The following WDR70 variants were observed in gnomAD, a reference collection of about 807,000 sequenced individuals.
WDR70 encodes WD repeat domain 70.
A neutral mutation model predicts 88.6 loss-of-function variants in WDR70; 53 were observed. That is an observed-to-expected ratio of 0.60 (90% CI 0.48 to 0.75). WDR70 has a LOEUF of 0.75. WDR70 is among the 30% of genes least tolerant of loss of function. The probability of loss-of-function intolerance (pLI) is 0.00; values close to 1 mark genes in which losing one functional copy is unlikely to be tolerated. For synonymous variants in WDR70, 280 were observed against 270.0 expected (o/e 1.04, Z -0.36); for missense variants, 610 against 823.2 (o/e 0.74, Z 3.17).
chr5:37,552,700 A>G (rs1210108278), intron 9 of WDR70, among the ~76,000 whole-genome samples: 4 of 152,220 alleles, frequency 2.6e-5, no homozygotes, highest in Admixed American at 6.5e-5. Flanking sequence ...ATTTTTCTTC[A>G]GTTAAACTCC....
intron 10 of WDR70, among the ~76,000 whole-genome samples, chr5:37,647,751 C>G (rs990819568): frequency 5.9e-5 from 9 of 152,164 alleles, no homozygotes; most frequent in Non-Finnish European, 2.9e-5. Flanking sequence ...CCTAAACAAG[C>G]AAGAGTCTCC....
intron 7 of WDR70, among the ~76,000 whole-genome samples, chr5:37,457,084 G>A (rs754778100): frequency 9.2e-5 from 14 of 152,120 alleles, no homozygotes; most frequent in East Asian, 1.9e-4. Flanking sequence ...TTTTTTTTCC[G>A]CATAACACTT....
chr5:37,506,466 T>G (rs1009398751), intron 8 of WDR70: 2 of 768,322 alleles, frequency 2.6e-6, no homozygotes, highest in African/African-American at 3.4e-5. Context: ...TCCTCTATGA[T>G]CTTGCTTATT....
At chr5:37,610,374 T>C (rs1285727503) in intron 10 of WDR70, among the ~76,000 whole-genome samples, 2 of 152,178 alleles carry the variant, frequency 1.3e-5, no homozygotes, top group East Asian at 1.9e-4. Context: ...TTGCTTTTTT[T>C]CAAAATGTCT....
chr5:37,643,999 T>C (rs1198196783), intron 10 of WDR70, among the ~76,000 whole-genome samples: 1 of 152,076 alleles, frequency 6.6e-6, no homozygotes, highest in Non-Finnish European at 1.5e-5. Flanking sequence ...CTAATTGCTC[T>C]AGTTAGACTT....
rs754359498 is a variant in WDR70 at position 37,379,567 on chromosome 5, C to T, written c.91+13C>T. ...TTCACGGGGTTCGGTGAGTGACTGCCCCAGGCAGAGACCCTCTTCCTTGTG... is the reference window on the plus strand; with the variant it reads ...TTCACGGGGTTCGGTGAGTGACTGCTCCAGGCAGAGACCCTCTTCCTTGTG... On this transcript the variant is annotated intron_variant, in intron 2 of 17. Coordinates refer to ENST00000265107, the MANE Select transcript of WDR70 (RefSeq NM_018034.4). 5.4e-5 allele frequency: 87 copies of T among 1,613,602 alleles called. No individual in the cohort carries two copies. Among genetic ancestry groups the T allele is most frequent in the Non-Finnish European group, 6.7e-5 (79 of 1,179,752 alleles).
intron 7 of WDR70, among the ~76,000 whole-genome samples, chr5:37,454,139 G>A (rs1738758978): frequency 6.6e-6 from 1 of 152,044 alleles, no homozygotes; most frequent in Non-Finnish European, 1.5e-5. Flanking sequence ...TTTTCAGCAA[G>A]GTGTACCCAC....
At chr5:37,548,283 T>C (rs1354667783) in intron 9 of WDR70, among the ~76,000 whole-genome samples, 1 of 152,206 alleles carries the variant, frequency 6.6e-6, no homozygotes, top group Non-Finnish European at 1.5e-5. Flanking sequence ...AGGGTTCCTT[T>C]TTCTCCATAT....
chr5:37,559,216 G>T (rs1230825551), intron 9 of WDR70, among the ~76,000 whole-genome samples: 1 of 152,152 alleles, frequency 6.6e-6, no homozygotes, highest in Non-Finnish European at 1.5e-5. Context: ...ACAGGCGTGA[G>T]CCACCATGCC....
intron 6 of WDR70, among the ~76,000 whole-genome samples, chr5:37,442,342 A>AT (rs11324863): frequency 1.4e-5 from 2 of 143,946 alleles, no homozygotes; most frequent in African/African-American, 5.2e-5. Flanking sequence ...TGGCCTGCAA[A>AT]TTTTTTTTTT....
intron 5 of WDR70, among the ~76,000 whole-genome samples, chr5:37,401,316 A>AT (rs34313185): frequency 0.19 from 23,941 of 126,978 alleles, 2,565 homozygotes; most frequent in East Asian, 0.4. Flanking sequence ...CCAAAGATTA[A>AT]TTTTTTTTTT....
At chr5:37,747,017 C>G (rs2112742684) in intron 17 of WDR70, among the ~76,000 whole-genome samples, 1 of 152,190 alleles carries the variant, frequency 6.6e-6, no homozygotes, top group Admixed American at 6.5e-5. Flanking sequence ...TGCAAAAATC[C>G]TCAATAAAAT....
chr5:37,394,079 G>T (rs1203437041), intron 4 of WDR70, among the ~76,000 whole-genome samples: 1 of 151,980 alleles, frequency 6.6e-6, no homozygotes, highest in Non-Finnish European at 1.5e-5. Flanking sequence ...GGCCGAACTG[G>T]GTGGATCACG....
chr5:37,610,120 G>T (rs1311747963), intron 10 of WDR70, among the ~76,000 whole-genome samples: 1 of 152,052 alleles, frequency 6.6e-6, no homozygotes, highest in Non-Finnish European at 1.5e-5. Context: ...TACAAAATTA[G>T]CTGGGCGTGG....
chr5:37,381,720 T>A, intron 3 of WDR70, 35 bp downstream of exon 3: 2 of 1,588,516 alleles, frequency 1.3e-6, no homozygotes, highest in Non-Finnish European at 1.7e-6. Context: ...TTTATTGGTT[T>A]AAGTACTATG....
At chr5:37,597,231 C>G (rs147554532) in intron 9 of WDR70, among the ~76,000 whole-genome samples, 23 of 152,188 alleles carry the variant, frequency 1.5e-4, no homozygotes, top group East Asian at 1.2e-3. Flanking sequence ...AATGACATTG[C>G]TTGTGATATG....
intron 10 of WDR70, among the ~76,000 whole-genome samples, chr5:37,612,223 A>G (rs1214711390): frequency 1.3e-5 from 2 of 152,142 alleles, no homozygotes; most frequent in African/African-American, 4.8e-5. Context: ...AAATATAAAG[A>G]GCAATGCTAG....
chr5:37,634,024 G>A (rs898867590), intron 10 of WDR70, among the ~76,000 whole-genome samples: 2 of 151,878 alleles, frequency 1.3e-5, no homozygotes, highest in Non-Finnish European at 2.9e-5. Flanking sequence ...ATATGGCCAG[G>A]TGTGGTGGCT....
chr5:37,654,965 A>G (rs977542062), intron 10 of WDR70, among the ~76,000 whole-genome samples: 2 of 152,066 alleles, frequency 1.3e-5, no homozygotes, highest in Non-Finnish European at 2.9e-5. Context: ...TAATATTGTT[A>G]TGTGTGAATT....
Sources: gnomAD v4.1 joint callset for allele counts (sites outside exome capture counted in the v4.1 genomes callset) on GRCh38, gnomAD v4.1.1 for gene constraint, MANE v1.5 for transcripts, NCBI Gene and HGNC (gene_info 2026-07-23, HGNC 2026-07-21) for gene names.